The following PABPC1L variants were observed in gnomAD, a reference collection of about 807,000 sequenced individuals.
The protein encoded by PABPC1L is poly(A) binding protein cytoplasmic 1 like, also known as polyadenylate-binding protein 1-like.
PABPC1L carries 31 observed loss-of-function variants against 66.6 expected under a neutral mutation model. That is an observed-to-expected ratio of 0.47 (90% CI 0.35 to 0.63). The LOEUF (loss-of-function observed/expected upper bound fraction) is 0.63, where lower values mean the gene tolerates loss of function less well. Ranked by LOEUF, PABPC1L falls within the 20% of genes least tolerant of loss-of-function variation. The pLI, the probability that PABPC1L is intolerant of heterozygous loss-of-function variation, is 0.00. For synonymous variants in PABPC1L, 348 were observed against 335.1 expected, an observed-to-expected ratio of 1.04 and a Z score of -0.42; for missense variants, 722 against 848.8, an observed-to-expected ratio of 0.85 and a Z score of 1.86.
intron 7 of PABPC1L, among the ~76,000 whole-genome samples, chr20:44,928,613 C>T (rs1051668517): frequency 2.0e-5 from 3 of 151,938 alleles, no homozygotes; most frequent in African/African-American, 7.3e-5. Flanking sequence ...TGAAGGGTAG[C>T]AGAGTACAGT....
At chr20:44,929,436 G>A (rs2066834471) in intron 7 of PABPC1L, among the ~76,000 whole-genome samples, 1 of 152,130 alleles carries the variant, frequency 6.6e-6, no homozygotes, top group South Asian at 2.1e-4. Flanking sequence ...TAATAGCATT[G>A]CACCAGTGTT....
At chr20:44,920,759 A>T (rs2066767282) in intron 5 of PABPC1L, among the ~76,000 whole-genome samples, 1 of 147,604 alleles carries the variant, frequency 6.8e-6, no homozygotes, top group Non-Finnish European at 1.5e-5. Context: ...GTGAGCCACC[A>T]TGCCCGGCCA....
chr20:44,938,091 T>A lies in PABPC1L; in HGVS notation c.1691T>A (p.Val564Asp), dbSNP rs2066915544. Residue 564 changes from valine to aspartate, a missense_variant, in exon 13 of 15, where the codon GTC (valine) becomes GAC (aspartate). Transcript: ENST00000217073. ...GERLYPLIHD[V>D]HTQLAGKITG... ...CGTCTCTACCCCCTTATCCATGATG[T>A]CCACACCCAGCTGGCTGGCAAGATC... 6.2e-7 allele frequency: 1 copy of A among 1,614,180 alleles called. No individual in the cohort carries two copies. The highest frequency in any genetic ancestry group is 8.5e-7 in the Non-Finnish European group (1 of 1,180,032).
rs1381836175 is a variant in PABPC1L at position 44,930,999 on chromosome 20, T to TCCTTCCTTCCTTCCTC, written c.1239+280_1239+281insTCCTTCCTCCCTTCCT. Among the ~76,000 whole-genome samples the TCCTTCCTTCCTTCCTC allele has an allele frequency of 6.4e-3, 670 of 105,462 alleles. 18 individuals carry two copies. The highest frequency in any genetic ancestry group is 0.026 in the African/African-American group (648 of 25,244). 69.2% of individuals were successfully genotyped at this position (105,462 alleles called of 152,430 possible). A position where few individuals can be genotyped will look rare whatever the true frequency, so the allele number is the denominator to read the frequency against. On this transcript the variant is annotated intron_variant, in intron 8 of 14. Transcript: ENST00000217073. ...CTGCGTTAAGCAAGACCTACATTTT[T>TCCTTCCTTCCTTCCTC]CCTTCCTCCCTTCCTTCCCTTCCCT...
intron 5 of PABPC1L, among the ~76,000 whole-genome samples, chr20:44,920,942 A>G (rs2066768506): frequency 6.8e-6 from 1 of 147,602 alleles, no homozygotes; most frequent in Non-Finnish European, 1.5e-5. Context: ...CCTCCTAAGT[A>G]GCTGGGATTA....
chr20:44,917,498 G>A (rs951933129), intron 3 of PABPC1L, among the ~76,000 whole-genome samples: 64 of 151,796 alleles, frequency 4.2e-4, no homozygotes, highest in African/African-American at 1.5e-3. Flanking sequence ...GAGCTACTGC[G>A]CCTGACTTTT....
At chr20:44,935,069 G>T (rs62204610) in intron 10 of PABPC1L, among the ~76,000 whole-genome samples, 2 of 132,868 alleles carry the variant, frequency 1.5e-5, no homozygotes, top group Non-Finnish European at 3.3e-5. Context: ...CTCTGTCTCA[G>T]GAAAAAAAAA....
At chr20:44,924,314 C>T (rs2066793984) in intron 7 of PABPC1L, 58 bp downstream of exon 7, 3 of 1,304,606 alleles carry the variant, frequency 2.3e-6, no homozygotes, top group Admixed American at 1.7e-5. Flanking sequence ...TCACCACCAT[C>T]CCCCCACAAC....
chr20:44,920,668 C>T (rs1177403554), intron 5 of PABPC1L, among the ~76,000 whole-genome samples: 1 of 150,894 alleles, frequency 6.6e-6, no homozygotes, highest in African/African-American at 2.4e-5. Flanking sequence ...GGGGTTTCAC[C>T]ATGTTGGCCA....
chr20:44,936,157 G>T (rs942354395), intron 11 of PABPC1L, among the ~76,000 whole-genome samples: 1 of 151,948 alleles, frequency 6.6e-6, no homozygotes, highest in Non-Finnish European at 1.5e-5. Context: ...AGTGACAGGG[G>T]TCTCATTATG....
intron 2 of PABPC1L, among the ~76,000 whole-genome samples, chr20:44,916,550 A>G (rs2066738918): frequency 6.6e-6 from 1 of 152,208 alleles, no homozygotes; most frequent in Non-Finnish European, 1.5e-5. Context: ...CTGGGATTAC[A>G]GGCATGAGCC....
intron 3 of PABPC1L, among the ~76,000 whole-genome samples, chr20:44,917,743 GC>G (rs1366898659): frequency 2.0e-5 from 3 of 152,278 alleles, no homozygotes; most frequent in African/African-American, 7.2e-5. Flanking sequence ...GTGGCTTTGA[GC>G]TGGGGGATGC....
chr20:44,928,367 T>C (rs545850182), intron 7 of PABPC1L, among the ~76,000 whole-genome samples: 2 of 152,320 alleles, frequency 1.3e-5, no homozygotes, highest in South Asian at 4.1e-4. Flanking sequence ...GCCATTGCGC[T>C]CGGCTGAGAT....
Position 44,921,032 on chromosome 20 carries a change from C to T in PABPC1L, c.739-562C>T, listed in dbSNP as rs182789585. Among the ~76,000 whole-genome samples, 167 of 151,398 alleles carry T rather than the reference C, an allele frequency of 1.1e-3. 2 individuals are homozygous for T. Among genetic ancestry groups the T allele is most frequent in the Admixed American group, 9.4e-3 (143 of 15,166 alleles). On this transcript the variant is annotated intron_variant, in intron 5 of 14. Transcript: ENST00000217073. ...TTCACCAAGTTGGCCAGGCTGGTTT[C>T]GAACTCCTGACCTCAAGTGATCCAA...
rs1219189716 is a variant in PABPC1L, at chr20:44,935,381, T to G, written c.1460-10T>G. 1 of 1,610,486 alleles carries G rather than the reference T, an allele frequency of 6.2e-7. No individual in the cohort carries two copies. Among genetic ancestry groups the G allele is most frequent in the Non-Finnish European group, 8.5e-7 (1 of 1,177,114 alleles). ...CTGCTTTTTTTGTTTTGTTTTGTTTTGTTTTGCAGCCAACATTGGTACTCA... is the reference window on the plus strand; with the variant it reads ...CTGCTTTTTTTGTTTTGTTTTGTTTGGTTTTGCAGCCAACATTGGTACTCA... On this transcript the variant is annotated splice_polypyrimidine_tract_variant and intron_variant, in intron 10 of 14. Coordinates refer to ENST00000217073, the MANE Select transcript of PABPC1L (RefSeq NM_001372179.1).
chr20:44,937,832 A>C, intron 12 of PABPC1L: 1 of 525,340 alleles, frequency 1.9e-6, no homozygotes, highest in Non-Finnish European at 3.3e-6. Flanking sequence ...TAAGGCACCC[A>C]GTCCTGGCTG....
chr20:44,910,236 C>T lies in PABPC1L; in HGVS notation c.93C>T (p.Phe31=), dbSNP rs762293858. 1.9e-6 allele frequency: 3 copies of T among 1,571,230 alleles called. No homozygotes were observed. The highest frequency in any genetic ancestry group is 1.4e-5 in the African/African-American group (1 of 73,554). The change falls in exon 1 of 15, where the codon TTC becomes TTT. Residue 31 remains phenylalanine, a synonymous_variant. Transcript: ENST00000217073. ...DVTEAMLYEK[F]SPAGPILSIR... ...CCGAGGCCATGCTCTATGAGAAGTT[C>T]TCTCCCGCCGGCCCCATCCTGTCCA...
In PABPC1L at chr20:44,924,156, C is replaced by T; in HGVS notation, c.877-5C>T. On this transcript the variant is annotated splice_polypyrimidine_tract_variant and splice_region_variant and intron_variant, in intron 6 of 14. Coordinates refer to ENST00000217073, the MANE Select transcript of PABPC1L (RefSeq NM_001372179.1). ...GGACATCCAGCAGTTTCCCTTCCAT[C>T]CCAGGGTGTGAACTTGTATGTGAAG... 1.9e-6 allele frequency: 3 copies of T among 1,611,248 alleles called. No individual in the cohort carries two copies. The highest frequency in any genetic ancestry group is 2.5e-6 in the Non-Finnish European group (3 of 1,177,462).
Position 44,930,493 on chromosome 20 carries a change from G to A in PABPC1L, c.1006G>A (p.Gly336Ser), listed in dbSNP as rs1380942122. 1.2e-6 allele frequency: 2 copies of A among 1,614,220 alleles called. No individual in the cohort carries two copies. The highest frequency in any genetic ancestry group is 1.7e-5 in the Admixed American group (1 of 60,036). ...AGAGGGTGGCCACAGCAAGGGGTTT[G>A]GCTTTGTGTGTTTTTCCTCCCCAGA... ...MTEGGHSKGF[G>S]FVCFSSPEEA... Residue 336 changes from glycine to serine, a missense_variant, in exon 8 of 15, where the codon GGC (glycine) becomes AGC (serine). Gly to Ser is a moderately conservative substitution (Grantham distance 56). Coordinates refer to ENST00000217073, the MANE Select transcript of PABPC1L (RefSeq NM_001372179.1).
Sources: allele counts gnomAD v4.1 joint callset (sites outside exome capture counted in the v4.1 genomes callset), GRCh38; gene constraint gnomAD v4.1.1; transcripts MANE v1.5; gene names NCBI Gene and HGNC (gene_info 2026-07-23, HGNC 2026-07-21).